CTIF: variants seen among roughly 807,000 people sequenced by gnomAD.
CTIF encodes cap binding complex dependent translation initiation factor, also known as CBP80/20-dependent translation initiation factor.
CTIF carries 21 observed loss-of-function variants against 66.0 expected under a neutral mutation model. That is an observed-to-expected ratio of 0.32 (90% confidence interval 0.23 to 0.46). The LOEUF is 0.46. Among genes scored for constraint, CTIF ranks in the 20% least tolerant of loss-of-function variants. CTIF has a pLI of 1.00. For synonymous variants in CTIF, 345 were observed against 326.4 expected (o/e 1.06, Z -0.62); for missense variants, 739 against 812.7 (o/e 0.91, Z 1.10).
At chr18:48,794,229 TTGC>T (rs2067858670) in intron 9 of CTIF, among the ~76,000 whole-genome samples, 1 of 152,220 alleles carries the variant, frequency 6.6e-6, no homozygotes, top group South Asian at 2.1e-4. Flanking sequence ...CTCACATCTT[TTGC>T]TGCTCCTTTG....
chr18:48,766,428 T>G (rs2145923839), intron 9 of CTIF, among the ~76,000 whole-genome samples: 1 of 152,292 alleles, frequency 6.6e-6, no homozygotes. Flanking sequence ...AGTGGAGGTC[T>G]GGCCTGGGAA....
chr18:48,711,483 G>C, intron 6 of CTIF, 136 bp from the exon 7 acceptor site: 2 of 644,316 alleles, frequency 3.1e-6, no homozygotes. Context: ...GTCTGGATTT[G>C]GTGGTTAGAG....
intron 9 of CTIF, among the ~76,000 whole-genome samples, chr18:48,810,573 A>C (rs954341362): frequency 4.6e-5 from 7 of 152,042 alleles, no homozygotes; most frequent in African/African-American, 1.7e-4. Context: ...ACAGCTTACT[A>C]TGAAGCTTGT....
intron 10 of CTIF, among the ~76,000 whole-genome samples, chr18:48,820,423 T>C (rs2068458286): frequency 6.6e-6 from 1 of 151,968 alleles, no homozygotes; most frequent in Non-Finnish European, 1.5e-5. Context: ...GCTTAGGCTT[T>C]CCCCCTGGGG....
intron 1 of CTIF, among the ~76,000 whole-genome samples, chr18:48,604,682 A>G (rs929353429): frequency 1.3e-5 from 2 of 152,228 alleles, no homozygotes; most frequent in African/African-American, 4.8e-5. Context: ...CATTTAAAAT[A>G]TACAATTAAA....
At chr18:48,742,712 T>G (rs141652754) in intron 7 of CTIF, among the ~76,000 whole-genome samples, 1 of 152,260 alleles carries the variant, frequency 6.6e-6, no homozygotes, top group Non-Finnish European at 1.5e-5. Flanking sequence ...AACTGAGGCA[T>G]GGACAGTAAG....
intron 10 of CTIF, among the ~76,000 whole-genome samples, chr18:48,818,424 T>C (rs557675863): frequency 6.6e-6 from 1 of 152,288 alleles, no homozygotes; most frequent in South Asian, 2.1e-4. Flanking sequence ...AGATGGAGGA[T>C]ACTGGATGAG....
intron 9 of CTIF, among the ~76,000 whole-genome samples, chr18:48,780,702 T>C (rs917688178): frequency 1.3e-5 from 2 of 152,208 alleles, no homozygotes; most frequent in African/African-American, 4.8e-5. Flanking sequence ...TCTCCCAGGC[T>C]TCCCTCCTGC....
intron 9 of CTIF, among the ~76,000 whole-genome samples, chr18:48,815,530 T>C (rs1395360955): frequency 6.6e-6 from 1 of 152,222 alleles, no homozygotes; most frequent in Non-Finnish European, 1.5e-5. Flanking sequence ...TCAAAATAGT[T>C]ATAGATACAC....
intron 1 of CTIF, among the ~76,000 whole-genome samples, chr18:48,589,845 G>A (rs1020290692): frequency 6.6e-6 from 1 of 152,214 alleles, no homozygotes; most frequent in Non-Finnish European, 1.5e-5. Context: ...CTAGGGTGGG[G>A]CAGAGCCACC....
At chr18:48,727,552 A>G (rs1468898002) in intron 7 of CTIF, among the ~76,000 whole-genome samples, 1 of 152,188 alleles carries the variant, frequency 6.6e-6, no homozygotes, top group Non-Finnish European at 1.5e-5. Flanking sequence ...AATCCTTTGA[A>G]AAACTTTATG....
At chr18:48,834,122 A>G (rs1239295283) in intron 10 of CTIF, among the ~76,000 whole-genome samples, 2 of 151,940 alleles carry the variant, frequency 1.3e-5, no homozygotes, top group Admixed American at 6.6e-5. Flanking sequence ...CCAGATAGTA[A>G]ATATTTTAGG....
intron 7 of CTIF, among the ~76,000 whole-genome samples, chr18:48,731,422 A>G (rs2092456045): frequency 6.6e-6 from 1 of 152,178 alleles, no homozygotes; most frequent in South Asian, 2.1e-4. Flanking sequence ...CCCATTTCCT[A>G]ACCCACCATT....
At chr18:48,745,435 G>T (rs1450374225) in intron 7 of CTIF, among the ~76,000 whole-genome samples, 1 of 152,238 alleles carries the variant, frequency 6.6e-6, no homozygotes, top group Non-Finnish European at 1.5e-5. Flanking sequence ...GAGATATTTA[G>T]AGGCTACGCC....
chr18:48,658,422 T>G (rs11282622), intron 3 of CTIF, among the ~76,000 whole-genome samples: 10 of 151,852 alleles, frequency 6.6e-5, no homozygotes, highest in African/African-American at 7.2e-5. Context: ...ATATGTGTGT[T>G]TGGTGTGTAT....
intron 1 of CTIF, among the ~76,000 whole-genome samples, chr18:48,580,122 T>C (rs919825228): frequency 6.6e-6 from 1 of 152,236 alleles, no homozygotes; most frequent in African/African-American, 2.4e-5. Context: ...GTCAGAGTTC[T>C]GCTACAGGTT....
intron 7 of CTIF, among the ~76,000 whole-genome samples, chr18:48,735,711 T>C (rs1414696650): frequency 6.6e-6 from 1 of 152,186 alleles, no homozygotes; most frequent in Non-Finnish European, 1.5e-5. Flanking sequence ...TTGAGGATTC[T>C]TGCCAGTGAT....
At chr18:48,847,272 C>T (rs1350491041) in intron 10 of CTIF, among the ~76,000 whole-genome samples, 1 of 138,466 alleles carries the variant, frequency 7.2e-6, no homozygotes, top group Non-Finnish European at 1.5e-5. Context: ...CACGCTACTG[C>T]ATTCCAGCCT....
chr18:48,710,361 G>A (rs2092210806), intron 6 of CTIF, among the ~76,000 whole-genome samples: 1 of 152,138 alleles, frequency 6.6e-6, no homozygotes, highest in Admixed American at 6.5e-5. Flanking sequence ...CAGGTGGGTG[G>A]GAGTCACACT....
Sources: allele counts gnomAD v4.1 joint callset (sites outside exome capture counted in the v4.1 genomes callset), GRCh38; gene constraint gnomAD v4.1.1; transcripts MANE v1.5; gene names NCBI Gene and HGNC (gene_info 2026-07-23, HGNC 2026-07-21).